SRCIN1: variants seen among roughly 807,000 people sequenced by gnomAD.
SRCIN1 encodes the protein SRC kinase signaling inhibitor 1.
A neutral mutation model predicts 116.2 loss-of-function variants in SRCIN1; 50 were observed. The observed-to-expected ratio is 0.43, with a 90% CI of 0.34 to 0.54. The LOEUF (loss-of-function observed/expected upper bound fraction) is 0.54, where lower values mean the gene tolerates loss of function less well. Ranked by LOEUF, SRCIN1 falls within the 20% of genes least tolerant of loss-of-function variation. The pLI, the probability that SRCIN1 is intolerant of heterozygous loss-of-function variation, is 0.02. For synonymous variants in SRCIN1, 736 were observed against 750.0 expected (o/e 0.98, Z 0.30); for missense variants, 1,446 against 1,672.0 (o/e 0.86, Z 2.36).
In SRCIN1 at chr17:38,605,715, G is replaced by T; in HGVS notation, c.-10C>A. 8.3e-7 allele frequency: 1 copy of T among 1,200,856 alleles called. No individual in the cohort carries two copies. 74.4% of individuals were successfully genotyped at this position (1,200,856 alleles called of 1,614,324 possible). A position where few individuals can be genotyped will look rare whatever the true frequency, so the allele number is the denominator to read the frequency against. ...ACGGAGCGTTCCCCATCGGGCGGGG[G>T]CGCGGGGGGCGGGGGCCCCGGGCCG... On this transcript the variant is annotated 5_prime_UTR_variant, in exon 1 of 19. Transcript: ENST00000617146.
intron 11 of SRCIN1, among the ~76,000 whole-genome samples, chr17:38,553,106 A>G (rs1905551953): frequency 6.6e-6 from 1 of 152,064 alleles, no homozygotes; most frequent in Non-Finnish European, 1.5e-5. Flanking sequence ...AAATAAAATA[A>G]TTAGCTGGAT....
In SRCIN1 at chr17:38,552,846, C is replaced by T; in HGVS notation, c.2211G>A (p.Glu737=). ...CTCTCTGGATCTTCTCCACCGATTT[C>T]TCCAGGTCACTGCAGCCACAGAGAG... is the stretch of plus-strand genomic sequence containing the variant. ...ELITQQLNDL[E]KSVEKIQRDV... Residue 737 remains glutamate, a synonymous_variant, in exon 12 of 19, where the codon GAG becomes GAA. Coordinates refer to ENST00000617146, the MANE Select transcript of SRCIN1 (RefSeq NM_025248.3). This position sits in a 1 kb window ranked among gnomAD's most constrained non-coding sequence, Gnocchi z 5.3. The T allele has an allele frequency of 6.2e-7, 1 of 1,613,942 alleles. No homozygotes were observed. The highest frequency in any genetic ancestry group is 8.5e-7 in the Non-Finnish European group (1 of 1,179,844).
intron 17 of SRCIN1, chr17:38,547,702 A>G: frequency 3.4e-6 from 1 of 292,124 alleles, no homozygotes; most frequent in Non-Finnish European, 6.7e-6. Context: ...TGAGGAGAGG[A>G]AGCTGTGGGG....
intron 7 of SRCIN1, 63 bp from the exon 8 acceptor site, chr17:38,560,488 C>G: frequency 2.2e-6 from 3 of 1,390,412 alleles, no homozygotes; most frequent in Non-Finnish European, 3.0e-6. Flanking sequence ...TGCCCAGCCC[C>G]CCATTCCTAA....
intron 3 of SRCIN1, among the ~76,000 whole-genome samples, chr17:38,566,811 G>C (rs1180994458): frequency 6.6e-6 from 1 of 151,508 alleles, no homozygotes; most frequent in African/African-American, 2.4e-5. Context: ...CCAGGAGCCA[G>C]GCACTGCCTG....
intron 1 of SRCIN1, among the ~76,000 whole-genome samples, chr17:38,591,394 T>C (rs543458168): frequency 1.8e-4 from 27 of 152,276 alleles, no homozygotes; most frequent in Admixed American, 7.8e-4. Context: ...CCTTCCTGTG[T>C]GGCCCAGCCC....
At chr17:38,534,752 G>A (rs775205516) in intron 18 of SRCIN1, among the ~76,000 whole-genome samples, 1 of 152,128 alleles carries the variant, frequency 6.6e-6, no homozygotes, top group Non-Finnish European at 1.5e-5. Flanking sequence ...TCCTTTACAG[G>A]TGCACAGATG....
rs923556141 is a variant in SRCIN1 at position 38,552,029 on chromosome 17, T to C, written c.2584A>G (p.Met862Val). ...TTCAGCGGGGGGCTGGGGGGTGGCA[T>C]TTCGAAGTCCACGCTCTTGTTGAAG... ...TDFNKSVDFE[M>V]PPPSPPLNLH... is the part of the protein sequence containing the mutation. The change falls in exon 14 of 19, where the codon ATG becomes GTG. Residue 862 changes from methionine (M) to valine (V), a missense_variant. Physicochemically the swap from Met to Val is conservative, Grantham distance 21. Coordinates refer to ENST00000617146, the MANE Select transcript of SRCIN1 (RefSeq NM_025248.3). The surrounding 1 kb of genome is among the most constrained non-coding windows in gnomAD (Gnocchi z 5.3). The C allele has an allele frequency of 6.2e-7, 1 of 1,613,596 alleles. No homozygotes were observed. Among genetic ancestry groups the C allele is most frequent in the African/African-American group, 1.3e-5 (1 of 74,824 alleles).
chr17:38,562,992 C>A lies in SRCIN1; in HGVS notation c.741-72G>T, dbSNP rs1940495386. Reference sequence around the variant, plus strand: ...GCACAATGAGAAGGGATGGCTACTCCAGGCCTAGAGAAGAGGGGTGGCCAG... The same window carrying A: ...GCACAATGAGAAGGGATGGCTACTCAAGGCCTAGAGAAGAGGGGTGGCCAG... On this transcript the variant is annotated intron_variant, in intron 5 of 18. Coordinates refer to ENST00000617146, the MANE Select transcript of SRCIN1 (RefSeq NM_025248.3). The surrounding 1 kb of genome is among the most constrained non-coding windows in gnomAD (Gnocchi z 4.2). 2 of 1,308,658 alleles carry A rather than the reference C, an allele frequency of 1.5e-6. No homozygotes were observed. The highest frequency in any genetic ancestry group is 2.2e-6 in the Non-Finnish European group (2 of 922,520). 81.1% of individuals were successfully genotyped at this position (1,308,658 alleles called of 1,614,324 possible). A position where few individuals can be genotyped will look rare whatever the true frequency, so the allele number is the denominator to read the frequency against.
Position 38,563,535 on chromosome 17 carries a change from G to T in SRCIN1, c.542-14C>A. Reference sequence around the variant, plus strand: ...GGAACAGCACCCCTGCGAAGGAGACGCCGCCCTCGCTGTCACTGCTGCCGT... The same window carrying T: ...GGAACAGCACCCCTGCGAAGGAGACTCCGCCCTCGCTGTCACTGCTGCCGT... On this transcript the variant is annotated splice_polypyrimidine_tract_variant and intron_variant, in intron 4 of 18. Coordinates refer to ENST00000617146, the MANE Select transcript of SRCIN1 (RefSeq NM_025248.3). The surrounding 1 kb of genome is among the most constrained non-coding windows in gnomAD (Gnocchi z 5.8). 1 of 1,545,066 alleles carries T rather than the reference G, an allele frequency of 6.5e-7. No individual in the cohort carries two copies. Among genetic ancestry groups the T allele is most frequent in the Non-Finnish European group, 8.7e-7 (1 of 1,146,964 alleles).
chr17:38,594,394 G>A (rs1048035670), intron 1 of SRCIN1, among the ~76,000 whole-genome samples: 9 of 152,200 alleles, frequency 5.9e-5, no homozygotes, highest in Non-Finnish European at 1.0e-4. Flanking sequence ...CAGCCACGGT[G>A]GCAAGGAGAG....
At position 38,533,397 on chromosome 17, in the gene SRCIN1, T is replaced by A; in HGVS notation, c.3452A>T (p.Asn1151Ile). 1 of 1,612,774 alleles carries A rather than the reference T, an allele frequency of 6.2e-7. No individual in the cohort carries two copies. The highest frequency in any genetic ancestry group is 2.2e-5 in the East Asian group (1 of 44,800). Residue 1151 changes from asparagine (N) to isoleucine (I), a missense_variant, in exon 19 of 19, where the codon AAT (asparagine) becomes ATT (isoleucine). By Grantham distance (149) the Asn-to-Ile change is moderately radical. Around this residue, in one of 5 missense-constraint regions of SRCIN1, gnomAD observed 531 missense variants for 633.9 expected, o/e 0.84. Coordinates refer to ENST00000617146, the MANE Select transcript of SRCIN1 (RefSeq NM_025248.3). ...TKPSKEMSGSNETSSPVSEKP... is the reference protein window; with the variant it reads ...TKPSKEMSGSIETSSPVSEKP... The stretch of plus-strand genomic sequence containing the variant: ...TTCTGAGACTGGGCTCGAGGTCTCA[T>A]TCGACCCGCTCATCTCTTTAGATGG...
Position 38,548,658 on chromosome 17 carries a change from G to T in SRCIN1, c.3169C>A (p.Arg1057=). 2 of 1,612,318 alleles carry T rather than the reference G, an allele frequency of 1.2e-6. No homozygotes were observed. Among genetic ancestry groups the T allele is most frequent in the Non-Finnish European group, 1.7e-6 (2 of 1,179,574 alleles). ...GGGCGGGCCACCTCAGACACAGCCC[G>T]GCGCAGCTTCACCTGGGGCTTCTGC... ...EVQKPQVKLR[R]AVSEVARPAS... Residue 1057 remains arginine, a synonymous_variant, in exon 17 of 19, where the codon CGG becomes AGG. Transcript: ENST00000617146.
chr17:38,558,204 C>T lies in SRCIN1; in HGVS notation c.2201+23G>A. ...ACTCCAGCCGCACCCCCACCCCTCC[C>T]TCCGCCGCGGGCCCAGCCTCACTTG... On this transcript the variant is annotated intron_variant, in intron 11 of 18. Transcript: ENST00000617146. This position sits in a 1 kb window ranked among gnomAD's most constrained non-coding sequence, Gnocchi z 4.6. The T allele has an allele frequency of 1.2e-6, 2 of 1,605,280 alleles. No individual in the cohort carries two copies. The highest frequency in any genetic ancestry group is 1.3e-5 in the African/African-American group (1 of 74,876).
chr17:38,543,962 C>A lies in SRCIN1; in HGVS notation c.3278G>T (p.Gly1093Val), dbSNP rs1421796250. Residue 1093 changes from glycine (G) to valine (V), a missense_variant, in exon 18 of 19, where the codon GGA (glycine) becomes GTA (valine). Around this residue, in one of 5 missense-constraint regions of SRCIN1, gnomAD observed 531 missense variants for 633.9 expected, o/e 0.84. Transcript: ENST00000617146. ...DRIIAELESG[G>V]GSVPPMKVVT... ...CACCTTCATGGGTGGTACACTGCCT[C>A]CGCCACTCTGCAGGAAGAGGAACAG... is the stretch of plus-strand genomic sequence containing the variant. 2.5e-6 allele frequency: 4 copies of A among 1,583,796 alleles called. No individual in the cohort carries two copies. In the Admixed American group the frequency reaches 5.3e-5, roughly 21 times the overall value.
intron 2 of SRCIN1, among the ~76,000 whole-genome samples, chr17:38,574,450 G>A (rs1266518350): frequency 6.6e-6 from 1 of 152,198 alleles, no homozygotes; most frequent in African/African-American, 2.4e-5. Context: ...ACTTCATGCA[G>A]AACTTCCTGA....
intron 2 of SRCIN1, among the ~76,000 whole-genome samples, chr17:38,571,661 C>A (rs1907086877): frequency 6.6e-6 from 1 of 152,110 alleles, no homozygotes; most frequent in Admixed American, 6.5e-5. Context: ...GTAGGGGAGA[C>A]CCCGGCAGGG....
In SRCIN1 at chr17:38,569,214, A is replaced by G. The variant is rs548489442; in HGVS notation, c.325-983T>C. On this transcript the variant is annotated intron_variant, in intron 2 of 18. Coordinates refer to ENST00000617146, the MANE Select transcript of SRCIN1 (RefSeq NM_025248.3). ...AACCCAGGGTCACCCTTCCTTCCCT[A>G]GAGACCAGAAGGCCCTTCCAGATGG... 1.2e-4 allele frequency among the ~76,000 whole-genome samples: 18 copies of G among 152,314 alleles called. No homozygotes were observed. The South Asian group carries it at 3.5e-3, about 30-fold the overall frequency.
At position 38,568,288 on chromosome 17, in the gene SRCIN1, G is replaced by A; in HGVS notation, c.325-57C>T. The A allele has an allele frequency of 6.4e-7, 1 of 1,572,742 alleles. No individual in the cohort carries two copies. Among genetic ancestry groups the A allele is most frequent in the Non-Finnish European group, 8.7e-7 (1 of 1,149,726 alleles). On this transcript the variant is annotated intron_variant, in intron 2 of 18. Coordinates refer to ENST00000617146, the MANE Select transcript of SRCIN1 (RefSeq NM_025248.3). The surrounding 1 kb of genome is among the most constrained non-coding windows in gnomAD (Gnocchi z 4.5). ...TGAGGGGGCCCAGGAGGGGAAAAGAGGGGCAGGGGCAGGTTAGAGACCCTT... is the reference window on the plus strand; with the variant it reads ...TGAGGGGGCCCAGGAGGGGAAAAGAAGGGCAGGGGCAGGTTAGAGACCCTT...
Sources: gnomAD v4.1 joint callset for allele counts (sites outside exome capture counted in the v4.1 genomes callset) on GRCh38, gnomAD v4.1.1 for gene constraint, gnomAD v4.1.1 regional missense constraint, Gnocchi (gnomAD v3.1) non-coding constraint, MANE v1.5 for transcripts, NCBI Gene and HGNC (gene_info 2026-07-23, HGNC 2026-07-21) for gene names.